The following TENM2 variants were observed in gnomAD, a reference collection of about 807,000 sequenced individuals.
The protein encoded by TENM2 is teneurin transmembrane protein 2, also known as teneurin-2.
A neutral mutation model predicts 245.2 loss-of-function variants in TENM2; 52 were observed. The ratio of observed to expected loss-of-function variants is 0.21; its 90% CI spans 0.17 to 0.27. The LOEUF (loss-of-function observed/expected upper bound fraction) is 0.27. TENM2 is among the 10% of genes least tolerant of loss of function. The pLI, the probability that TENM2 is intolerant of heterozygous loss-of-function variation, is 1.00. For synonymous variants in TENM2, 1,363 were observed against 1,438.9 expected (o/e 0.95, Z 1.19); for missense variants, 3,046 against 3,666.8 (o/e 0.83, Z 4.37).
intron 3 of TENM2, among the ~76,000 whole-genome samples, chr5:167,894,976 A>AGGAAGGAG (rs1775080125): frequency 9.4e-6 from 1 of 106,056 alleles, no homozygotes; most frequent in Admixed American, 9.8e-5. Flanking sequence ...GAAGGAAGGA[A>AGGAAGGAG]GGAAGGAAGG....
chr5:167,805,320 GA>G (rs1423996523), intron 2 of TENM2, among the ~76,000 whole-genome samples: 2 of 152,146 alleles, frequency 1.3e-5, no homozygotes, highest in African/African-American at 4.8e-5. Context: ...CTTATTAAAA[GA>G]ATAGGTATTG....
chr5:168,249,895 T>C (rs564279768), intron 27 of TENM2, among the ~76,000 whole-genome samples: 22 of 152,010 alleles, frequency 1.4e-4, no homozygotes, highest in African/African-American at 5.3e-4. Context: ...GAAAAAGAAA[T>C]TGGTGAAATA....
chr5:167,565,318 A>C (rs1399890339), intron 2 of TENM2, among the ~76,000 whole-genome samples: 1 of 152,234 alleles, frequency 6.6e-6, no homozygotes, highest in East Asian at 1.9e-4. Context: ...TTGTAAACTT[A>C]GCAATTCACT....
chr5:168,262,295 T>C (rs1187647502), exon 29 of TENM2: 1 of 1,610,070 alleles, frequency 6.2e-7, no homozygotes, highest in Admixed American at 1.7e-5. Flanking sequence ...GAACAACGCC[T>C]ACTACCTGGA....
chr5:167,478,990 A>ATGTGTG lies in TENM2; in HGVS notation c.502+103527_502+103532dup, dbSNP rs58286500. 6.5e-3 allele frequency among the ~76,000 whole-genome samples: 990 copies of ATGTGTG among 151,362 alleles called. 9 individuals carry two copies. The highest frequency in any genetic ancestry group is 0.021 in the African/African-American group (887 of 41,384). On this transcript the variant is annotated intron_variant, in intron 2 of 28. Coordinates refer to ENST00000518659, the Ensembl canonical transcript of TENM2. ...GATTGCATATGACTACTTTATATAT[A>ATGTGTG]TGTGTGTGTGTGTGTATACAGGTAC...
At chr5:167,531,970 C>T (rs1030670) in intron 2 of TENM2, among the ~76,000 whole-genome samples, 60,135 of 151,924 alleles carry the variant, frequency 0.4, 13,744 homozygotes, top group Non-Finnish European at 0.53. Flanking sequence ...GGAAAAAGAG[C>T]ATCTCTTAAT....
chr5:167,376,697 ACT>A (rs1231999823), intron 2 of TENM2, among the ~76,000 whole-genome samples: 1 of 152,172 alleles, frequency 6.6e-6, no homozygotes, highest in Non-Finnish European at 1.5e-5. Context: ...ATCAAGGTGT[ACT>A]CTCAAGGAAA....
intron 2 of TENM2, chr5:167,721,530 C>T (rs1217949087): frequency 6.6e-6 from 1 of 152,194 alleles, no homozygotes; most frequent in Non-Finnish European, 1.5e-5. Context: ...GAGGCTGTTT[C>T]CATTCCTTGG....
At chr5:166,989,405 A>G in the TENM2 span, among the ~76,000 whole-genome samples, 1 of 151,756 alleles carries the variant, frequency 6.6e-6, no homozygotes, top group Non-Finnish European at 1.5e-5. Context: ...GACTACAGAC[A>G]CACACCATTA....
intron 2 of TENM2, among the ~76,000 whole-genome samples, chr5:167,789,058 G>C (rs193112562): frequency 6.6e-6 from 1 of 152,256 alleles, no homozygotes; most frequent in East Asian, 1.9e-4. Flanking sequence ...AAGAACCACT[G>C]TGTCTTACTT....
intron 3 of TENM2, among the ~76,000 whole-genome samples, chr5:167,911,409 C>T (rs1776541207): frequency 6.6e-6 from 1 of 152,172 alleles, no homozygotes. Flanking sequence ...CGCCTGTAGT[C>T]CCAGCTACTC....
chr5:168,138,781 A>G (rs1341171112), intron 12 of TENM2, among the ~76,000 whole-genome samples: 2 of 152,250 alleles, frequency 1.3e-5, no homozygotes, highest in African/African-American at 4.8e-5. Context: ...ATCTGTTTCC[A>G]GATGGGCAGT....
the TENM2 span, among the ~76,000 whole-genome samples, chr5:167,263,628 A>AT: frequency 1.3e-5 from 2 of 151,970 alleles, no homozygotes; most frequent in Non-Finnish European, 2.9e-5. Flanking sequence ...TTCTATAATG[A>AT]TTTTTTATGT....
At chr5:167,877,818 T>C (rs2151390885) in intron 3 of TENM2, among the ~76,000 whole-genome samples, 1 of 152,334 alleles carries the variant, frequency 6.6e-6, no homozygotes, top group Non-Finnish European at 1.5e-5. Context: ...AGAACCTGAT[T>C]TTAGCTACAG....
intron 2 of TENM2, among the ~76,000 whole-genome samples, chr5:167,762,534 T>C (rs1405436972): frequency 6.6e-6 from 1 of 152,180 alleles, no homozygotes; most frequent in Non-Finnish European, 1.5e-5. Flanking sequence ...TCTGCAGTGC[T>C]CTGGTTGTCA....
At chr5:167,532,288 G>GCTCT (rs201584195) in intron 2 of TENM2, among the ~76,000 whole-genome samples, 2 of 148,866 alleles carry the variant, frequency 1.3e-5, no homozygotes, top group Non-Finnish European at 3.0e-5. Context: ...TGTCATGCAT[G>GCTCT]CTCTCTCTCT....
At chr5:167,451,649 A>T (rs1561966782) in intron 2 of TENM2, among the ~76,000 whole-genome samples, 1 of 145,588 alleles carries the variant, frequency 6.9e-6, no homozygotes, top group Non-Finnish European at 1.5e-5. Flanking sequence ...ATAGCAACTG[A>T]TTTTTTTTTT....
chr5:167,559,315 G>GC (rs1432008824), intron 2 of TENM2, among the ~76,000 whole-genome samples: 1 of 152,154 alleles, frequency 6.6e-6, no homozygotes, highest in East Asian at 1.9e-4. Context: ...TGCCCAGAAA[G>GC]CCAAGTGACT....
chr5:167,256,457 AG>A, the TENM2 span, among the ~76,000 whole-genome samples: 2 of 152,178 alleles, frequency 1.3e-5, no homozygotes, highest in African/African-American at 4.8e-5. Flanking sequence ...GAGATCTGCC[AG>A]GGCATTTCTG....
Sources: allele counts gnomAD v4.1 joint callset (sites outside exome capture counted in the v4.1 genomes callset), GRCh38; gene constraint gnomAD v4.1.1; transcripts MANE v1.5; gene names NCBI Gene and HGNC (gene_info 2026-07-23, HGNC 2026-07-21).